Variants in ABTB3 observed in about 807,000 individuals in gnomAD.
ABTB3 encodes ankyrin repeat and BTB domain containing 3, also known as ankyrin repeat- and BTB/POZ domain-containing protein 3.
the ABTB3 span, among the ~76,000 whole-genome samples, chr12:107,480,049 A>G: frequency 2.0e-5 from 3 of 152,322 alleles, no homozygotes; most frequent in Admixed American, 2.0e-4. Flanking sequence ...CACATGCTAT[A>G]GGGTTTGGGT....
the ABTB3 span, among the ~76,000 whole-genome samples, chr12:107,495,536 G>A: frequency 3.4e-3 from 512 of 152,302 alleles, 2 homozygotes; most frequent in African/African-American, 0.012. Flanking sequence ...CATCCCTAAC[G>A]GGGGCCAGAA....
the ABTB3 span, among the ~76,000 whole-genome samples, chr12:107,623,859 A>G: frequency 6.6e-6 from 1 of 152,208 alleles, no homozygotes; most frequent in African/African-American, 2.4e-5. Flanking sequence ...ACAAAATGAA[A>G]TGGGACCATG....
chr12:107,540,066 A>G, the ABTB3 span, among the ~76,000 whole-genome samples: 59,234 of 152,060 alleles, frequency 0.39, 12,124 homozygotes, highest in East Asian at 0.68. Context: ...ATGTAGGGAT[A>G]TAACCCCCTG....
At chr12:107,657,446 C>T in the ABTB3 span, 1 of 1,399,252 alleles carries the variant, frequency 7.1e-7, no homozygotes, top group Middle Eastern at 1.8e-4. Context: ...GCTCTGAAGG[C>T]ATAATCTGAA....
the ABTB3 span, among the ~76,000 whole-genome samples, chr12:107,512,208 T>A: frequency 3.3e-5 from 5 of 152,236 alleles, no homozygotes; most frequent in African/African-American, 1.2e-4. Flanking sequence ...GTTATTTCAC[T>A]GTTTGTGCTT....
the ABTB3 span, among the ~76,000 whole-genome samples, chr12:107,504,599 T>A: frequency 6.6e-6 from 1 of 152,246 alleles, no homozygotes; most frequent in African/African-American, 2.4e-5. Context: ...CATGATTTAA[T>A]CTTTCCTTTC....
chr12:107,651,236 G>C, the ABTB3 span, among the ~76,000 whole-genome samples: 1 of 152,186 alleles, frequency 6.6e-6, no homozygotes, highest in African/African-American at 2.4e-5. Context: ...GTGACTCTGA[G>C]GAGTGAGACA....
the ABTB3 span, among the ~76,000 whole-genome samples, chr12:107,654,924 T>A: frequency 3.3e-5 from 5 of 151,840 alleles, no homozygotes; most frequent in South Asian, 2.1e-4. Flanking sequence ...ATTTTTTTTT[T>A]AATCTTAAAC....
the ABTB3 span, among the ~76,000 whole-genome samples, chr12:107,475,188 A>G: frequency 6.6e-6 from 1 of 152,110 alleles, no homozygotes. Flanking sequence ...GGTATGTTTT[A>G]AGGGACAATA....
At chr12:107,644,654 G>C in the ABTB3 span, among the ~76,000 whole-genome samples, 6 of 152,178 alleles carry the variant, frequency 3.9e-5, no homozygotes, top group Non-Finnish European at 8.8e-5. Flanking sequence ...GCGCAAGTTC[G>C]TTAAATTGTG....
At chr12:107,618,193 A>C in the ABTB3 span, 2 of 1,614,120 alleles carry the variant, frequency 1.2e-6, no homozygotes, top group Non-Finnish European at 1.7e-6. Context: ...CAGCCAGAGA[A>C]GGAGAAGAGT....
At chr12:107,482,913 CTTCT>C in the ABTB3 span, among the ~76,000 whole-genome samples, 620 of 117,980 alleles carry the variant, frequency 5.3e-3, 3 homozygotes, top group Middle Eastern at 0.012. Context: ...TCTCTTTCTT[CTTCT>C]TTCTTTCTTT....
At chr12:107,548,218 A>G in the ABTB3 span, among the ~76,000 whole-genome samples, 9 of 152,146 alleles carry the variant, frequency 5.9e-5, no homozygotes, top group African/African-American at 1.9e-4. Flanking sequence ...AATTCTATCA[A>G]ACAGGATCAT....
chr12:107,586,219 T>C, the ABTB3 span, among the ~76,000 whole-genome samples: 1 of 152,082 alleles, frequency 6.6e-6, no homozygotes, highest in Non-Finnish European at 1.5e-5. Context: ...GGCTTATGGC[T>C]TTCCATAAGC....
chr12:107,508,484 C>T, the ABTB3 span, among the ~76,000 whole-genome samples: 3,271 of 102,924 alleles, frequency 0.032, 140 homozygotes, highest in African/African-American at 0.096. Flanking sequence ...CAGAGTCTCG[C>T]CCTGTCACCC....
the ABTB3 span, among the ~76,000 whole-genome samples, chr12:107,455,713 G>C: frequency 6.6e-6 from 1 of 152,304 alleles, no homozygotes; most frequent in African/African-American, 2.4e-5. Context: ...GTCAGCTGTA[G>C]GACGGGGAGT....
At chr12:107,499,206 TG>T in the ABTB3 span, among the ~76,000 whole-genome samples, 1 of 152,182 alleles carries the variant, frequency 6.6e-6, no homozygotes, top group Non-Finnish European at 1.5e-5. Context: ...CATGACTTAC[TG>T]GTTCTAAATA....
At chr12:107,329,214 C>T in the ABTB3 span, among the ~76,000 whole-genome samples, 1 of 152,182 alleles carries the variant, frequency 6.6e-6, no homozygotes, top group South Asian at 2.1e-4. Context: ...GGCTGGTCCT[C>T]CCTGAGAATC....
chr12:107,434,151 C>T, the ABTB3 span, among the ~76,000 whole-genome samples: 3 of 152,242 alleles, frequency 2.0e-5, no homozygotes, highest in Admixed American at 6.5e-5. Flanking sequence ...CTTATTCTCA[C>T]GAGGGAAACT....
Sources: gnomAD v4.1 joint callset for allele counts (sites outside exome capture counted in the v4.1 genomes callset) on GRCh38, gnomAD v4.1.1 for gene constraint, MANE v1.5 for transcripts, NCBI Gene and HGNC (gene_info 2026-07-23, HGNC 2026-07-21) for gene names.